AIFM3: variants seen among roughly 807,000 people sequenced by gnomAD.
AIFM3 encodes the protein apoptosis-inducing factor 3.
In AIFM3, 71 loss-of-function variants were observed where a neutral mutation model predicts 82.7. The observed-to-expected ratio is 0.86, with a 90% CI of 0.71 to 1.05. The LOEUF is 1.05. AIFM3 is among the 50% of genes least tolerant of loss of function. The pLI, the probability that AIFM3 is intolerant of heterozygous loss-of-function variation, is 0.00. For synonymous variants in AIFM3, 337 were observed against 329.1 expected (o/e 1.02, Z -0.26); for missense variants, 748 against 816.7 (o/e 0.92, Z 1.03).
In AIFM3 at chr22:20,977,069, G is replaced by A. The variant is rs775926412; in HGVS notation, c.1256G>A (p.Arg419Gln). Residue 419 changes from arginine (R) to glutamine (Q), a missense_variant, in exon 14 of 21, where the codon CGG becomes CAG. This residue lies in a region of AIFM3 where 393 missense variants were observed against 481.1 expected (regional missense o/e 0.82). Coordinates refer to ENST00000440238, the MANE Select transcript of AIFM3 (RefSeq NM_001386814.1). ...GTGCTGAAGAGCAGCAAGGTCGTGC[G>A]GGCTGACGTCTGCGTGGTGGGCATT... ...EVVLKSSKVV[R>Q]ADVCVVGIGA... The A allele has an allele frequency of 4.3e-5, 70 of 1,614,080 alleles. No homozygotes were observed. The highest frequency in any genetic ancestry group is 8.8e-5 in the South Asian group (8 of 91,088).
rs1299444155 is a variant in AIFM3, at chr22:20,974,177, G to A, written c.465+5G>A. 1.9e-6 allele frequency: 3 copies of A among 1,613,414 alleles called. No individual in the cohort carries two copies. The South Asian group carries it at 3.3e-5, about 18-fold the overall frequency. On this transcript the variant is annotated splice_donor_5th_base_variant and intron_variant, in intron 5 of 20. Transcript: ENST00000440238. ...GACAGTCTACACAAGTTCCAGGTGG[G>A]GCCAGGAGTGCGATGGGGTGGGAAC...
Position 20,976,511 on chromosome 22 carries a change from G to T in AIFM3, c.1003G>T (p.Val335Leu). Residue 335 changes from valine (V) to leucine (L), a missense_variant, in exon 11 of 21, where the codon GTG (valine) becomes TTG (leucine). Val to Leu is a conservative substitution (Grantham distance 32). This residue lies in a region of AIFM3 where 393 missense variants were observed against 481.1 expected (regional missense o/e 0.82). Transcript: ENST00000440238. ...RVVRLARGRNVVVVGAGFLGM... is the reference protein window; with the variant it reads ...RVVRLARGRNLVVVGAGFLGM... ...GGTGAGGCTGGCCCGAGGCCGCAAC[G>T]TGGTCGTCGTGGGAGCCGGCTTCCT... The T allele has an allele frequency of 6.2e-7, 1 of 1,613,732 alleles. No homozygotes were observed. The highest frequency in any genetic ancestry group is 8.5e-7 in the Non-Finnish European group (1 of 1,180,038).
chr22:20,978,718 C>T (rs1238060048), intron 16 of AIFM3, among the ~76,000 whole-genome samples: 4 of 151,940 alleles, frequency 2.6e-5, no homozygotes, highest in Admixed American at 1.3e-4. Flanking sequence ...AGTCCAAAGT[C>T]GAAAGTTGTT....
At chr22:20,977,279 A>C (rs1923752495) in intron 14 of AIFM3, 184 bp downstream of exon 14, 1 of 780,622 alleles carries the variant, frequency 1.3e-6, no homozygotes, top group Non-Finnish European at 2.1e-6. Context: ...GGCTCAGCCC[A>C]GGCCTGGCAC....
At chr22:20,976,159 GGCGGCGAGGCCCAGCCCCAT>G (rs67052083) in intron 9 of AIFM3, 36 bp from the exon 10 acceptor site, 97,712 of 1,580,682 alleles carry the variant, frequency 0.062, 4,908 homozygotes, top group Admixed American at 0.23. Flanking sequence ...CCGGGGAGTG[GGCGGCGAGGCCCAGCCCCAT>G]GCCCAAGCTC....
At position 20,974,244 on chromosome 22, in the gene AIFM3, C is replaced by A. The variant is rs1228441662; in HGVS notation, c.466-8C>A. 6.2e-7 allele frequency: 1 copy of A among 1,613,738 alleles called. No individual in the cohort carries two copies. The highest frequency in any genetic ancestry group is 8.5e-7 in the Non-Finnish European group (1 of 1,180,004). On this transcript the variant is annotated splice_polypyrimidine_tract_variant and splice_region_variant and intron_variant, in intron 5 of 20. Coordinates refer to ENST00000440238, the MANE Select transcript of AIFM3 (RefSeq NM_001386814.1). ...CGGGGCTGGTCCTGAGCAATGCAGC[C>A]CTTGCAGGTGAAGATTGAGAAGGAG...
chr22:20,974,470 A>G, intron 6 of AIFM3, 55 bp from the exon 7 acceptor site: 1 of 1,582,016 alleles, frequency 6.3e-7, no homozygotes, highest in Non-Finnish European at 8.6e-7. Context: ...CCTGCCTGCC[A>G]GGATGATGGC....
In AIFM3 at chr22:20,973,357, G is replaced by A. The variant is rs1441375131; in HGVS notation, c.82G>A (p.Glu28Lys). 1.9e-6 allele frequency: 3 copies of A among 1,608,936 alleles called. No individual in the cohort carries two copies. Among genetic ancestry groups the A allele is most frequent in the Non-Finnish European group, 2.5e-6 (3 of 1,178,088 alleles). ...VLPEKERGKE[E>K]LSASGKGSPR... ...GCCTGAGAAGGAGCGAGGCAAGGAG[G>A]AGCTGTCGGCCAGTGGGAAGGGCAG... is the stretch of plus-strand genomic sequence containing the variant. The change falls in exon 3 of 21, where the codon GAG becomes AAG. Residue 28 changes from glutamate (E) to lysine (K), a missense_variant. Glu to Lys is a moderately conservative substitution (Grantham distance 56). Around this residue, in one of 5 missense-constraint regions of AIFM3, gnomAD observed 7 missense variants for 24.3 expected, o/e 0.29. Coordinates refer to ENST00000440238, the MANE Select transcript of AIFM3 (RefSeq NM_001386814.1).
In AIFM3 at chr22:20,976,533, T is replaced by A. The variant is rs778581948; in HGVS notation, c.1025T>A (p.Phe342Tyr). 2 of 1,613,224 alleles carry A rather than the reference T, an allele frequency of 1.2e-6. No homozygotes were observed. The highest frequency in any genetic ancestry group is 2.7e-5 in the African/African-American group (2 of 74,914). ...GRNVVVVGAGFLGMEVAAYLT... is the reference protein window; with the variant it reads ...GRNVVVVGAGYLGMEVAAYLT... ...AACGTGGTCGTCGTGGGAGCCGGCT[T>A]CCTGGGTGAGAGGTAGTGGGCAGTG... is the stretch of plus-strand genomic sequence containing the variant. The change falls in exon 11 of 21, where the codon TTC becomes TAC. Residue 342 changes from phenylalanine to tyrosine, a missense_variant. Phe to Tyr is a conservative substitution (Grantham distance 22). Around this residue, in one of 5 missense-constraint regions of AIFM3, gnomAD observed 393 missense variants for 481.1 expected, o/e 0.82. Transcript: ENST00000440238.
At position 20,980,124 on chromosome 22, in the gene AIFM3, A is replaced by G. The variant is rs1923996204; in HGVS notation, c.1757A>G (p.Glu586Gly). Residue 586 changes from glutamate to glycine, a missense_variant and splice_region_variant, in exon 19 of 21, where the codon GAG becomes GGG. This residue lies in a region of AIFM3 where 183 missense variants were observed against 158.2 expected (regional missense o/e 1.16). Coordinates refer to ENST00000440238, the MANE Select transcript of AIFM3 (RefSeq NM_001386814.1). ...CGTGCCATCCGGAAGCGGGAGGTGG[A>G]GTGAGTGTGGGTGTGGGAAGCCTGG... ...SGRAIRKREV[E>G]LFVLHSKTGD... The G allele has an allele frequency of 6.2e-7, 1 of 1,606,408 alleles. No individual in the cohort carries two copies.
intron 14 of AIFM3, 147 bp from the exon 15 acceptor site, chr22:20,977,553 G>T: frequency 1.1e-6 from 1 of 916,440 alleles, no homozygotes; most frequent in Non-Finnish European, 1.7e-6. Flanking sequence ...ACCGGGTAGT[G>T]GGGACCAGGG....
chr22:20,979,739 G>C (rs754915597), intron 18 of AIFM3, 37 bp downstream of exon 18: 4 of 1,611,460 alleles, frequency 2.5e-6, no homozygotes, highest in Middle Eastern at 1.6e-4. Context: ...GCGAAGCAGC[G>C]GGAGCTCAGT....
Position 20,967,861 on chromosome 22 carries a change from GT to G in AIFM3, c.-83del. ...CCAGCGTCTCTAAGGCCTGCAGGGG[GT>G]CCAGCCCCATGGGGGGCGCCCTAGG... is the stretch of plus-strand genomic sequence containing the variant. On this transcript the variant is annotated 5_prime_UTR_variant, in exon 2 of 21. The change abolishes the stop of an existing upstream ORF in the 5' untranslated region. Coordinates refer to ENST00000440238, the MANE Select transcript of AIFM3 (RefSeq NM_001386814.1). The G allele has an allele frequency of 6.7e-7, 1 of 1,499,836 alleles. No homozygotes were observed. Among genetic ancestry groups the G allele is most frequent in the Non-Finnish European group, 9.3e-7 (1 of 1,078,078 alleles). The allele number at this position is 1,499,836 out of a possible 1,614,324, so 92.9% of individuals were successfully genotyped here. A position where few individuals can be genotyped will look rare whatever the true frequency, so the allele number is the denominator to read the frequency against.
rs201527012 is a variant in AIFM3 at position 20,974,802 on chromosome 22, C to T, written c.706C>T (p.Pro236Ser). 5.0e-6 allele frequency: 8 copies of T among 1,612,588 alleles called. No individual in the cohort carries two copies. The highest frequency in any genetic ancestry group is 6.8e-6 in the Non-Finnish European group (8 of 1,179,852). The change falls in exon 8 of 21, where the codon CCC (proline) becomes TCC (serine). Residue 236 changes from proline to serine, a missense_variant. This residue lies in a region of AIFM3 where 393 missense variants were observed against 481.1 expected (regional missense o/e 0.82). Transcript: ENST00000440238. ...TLDRHLPYDRPKLSKSLDTQP... is the reference protein window; with the variant it reads ...TLDRHLPYDRSKLSKSLDTQP... ...AGACCGGCACCTTCCCTACGACCGT[C>T]CCAAGCTCAGCAAGGTACAGGGGGT...
At chr22:20,968,041 C>T (rs1331751852) in intron 2 of AIFM3, 66 bp downstream of exon 2, 2 of 1,488,370 alleles carry the variant, frequency 1.3e-6, no homozygotes, top group South Asian at 1.3e-5. Context: ...CCCGTCTCCC[C>T]CCCCTCCCCC....
Position 20,977,871 on chromosome 22 carries a change from G to A in AIFM3, c.1360-17G>A, listed in dbSNP as rs1923799510. 1.2e-6 allele frequency: 2 copies of A among 1,613,980 alleles called. No homozygotes were observed. The highest frequency in any genetic ancestry group is 1.7e-6 in the Non-Finnish European group (2 of 1,179,970). On this transcript the variant is annotated splice_polypyrimidine_tract_variant and intron_variant, in intron 15 of 20. Coordinates refer to ENST00000440238, the MANE Select transcript of AIFM3 (RefSeq NM_001386814.1). ...GCCCCTGTCACACCCATGGAGCTCT[G>A]GGCCCTCTCTCTACAGATGATGCAG...
chr22:20,976,678 A>G lies in AIFM3; in HGVS notation c.1058A>G (p.Glu353Gly). ...ATGGAGGTGGCCGCTTACCTGACGG[A>G]GAAGGCCCACTCTGTGTCTGTGGTG... ...LGMEVAAYLT[E>G]KAHSVSVVEL... Residue 353 changes from glutamate (E) to glycine (G), a missense_variant, in exon 12 of 21, where the codon GAG (glutamate) becomes GGG (glycine). This residue lies in a region of AIFM3 where 393 missense variants were observed against 481.1 expected (regional missense o/e 0.82). Coordinates refer to ENST00000440238, the MANE Select transcript of AIFM3 (RefSeq NM_001386814.1). 1 of 1,609,932 alleles carries G rather than the reference A, an allele frequency of 6.2e-7. No homozygotes were observed. Among genetic ancestry groups the G allele is most frequent in the Middle Eastern group, 1.7e-4 (1 of 6,054 alleles).
At chr22:20,976,350 C>G in intron 10 of AIFM3, 44 bp downstream of exon 10, 1 of 1,613,700 alleles carries the variant, frequency 6.2e-7, no homozygotes, top group Non-Finnish European at 8.5e-7. Context: ...AGGCAGGGCA[C>G]TGGCCTGGAC....
Position 20,977,100 on chromosome 22 carries a change from G to A in AIFM3, c.1282+5G>A, listed in dbSNP as rs201948558. On this transcript the variant is annotated splice_donor_5th_base_variant and intron_variant, in intron 14 of 20. Transcript: ENST00000440238. ...ACGTCTGCGTGGTGGGCATTGGTGA[G>A]TTGGTGTGTGGGCAGGCAGGCACAA... 1 of 1,614,044 alleles carries A rather than the reference G, an allele frequency of 6.2e-7. No individual in the cohort carries two copies. Among genetic ancestry groups the A allele is most frequent in the South Asian group, 1.1e-5 (1 of 91,076 alleles).
Sources: gnomAD v4.1 joint callset for allele counts (sites outside exome capture counted in the v4.1 genomes callset) on GRCh38, gnomAD v4.1.1 for gene constraint, gnomAD v4.1.1 regional missense constraint, MANE v1.5 for transcripts, NCBI Gene and HGNC (gene_info 2026-07-23, HGNC 2026-07-21) for gene names.